DYNC2LI1: variants seen among roughly 807,000 people sequenced by gnomAD.
The protein encoded by DYNC2LI1 is dynein cytoplasmic 2 light intermediate chain 1, also known as cytoplasmic dynein 2 light intermediate chain 1.
In DYNC2LI1, 45 loss-of-function variants were observed where a neutral mutation model predicts 51.9. The observed-to-expected ratio is 0.87, with a 90% CI of 0.68 to 1.11. The LOEUF (loss-of-function observed/expected upper bound fraction) is 1.11. Among genes scored for constraint, DYNC2LI1 ranks in the 50% most tolerant of loss-of-function variants. DYNC2LI1 has a pLI of 0.00. For missense variants in DYNC2LI1, 490 were observed against 417.4 expected (o/e 1.17, Z -1.51); for synonymous variants, 130 against 137.8 (o/e 0.94, Z 0.40).
In DYNC2LI1 at chr2:43,789,705, A is replaced by G. The variant is rs779612644; in HGVS notation, c.304A>G (p.Thr102Ala). 1.9e-6 allele frequency: 3 copies of G among 1,613,914 alleles called. No individual in the cohort carries two copies. The Admixed American group carries it at 5.0e-5, about 27-fold the overall frequency. ...SLLDLISIPITGDTLRTFSLV... is the reference protein window; with the variant it reads ...SLLDLISIPIAGDTLRTFSLV... ...ATTGGACTTAATCAGCATACCCATC[A>G]CAGGTGACACCTTACGGTAAGTGAG... is the stretch of plus-strand genomic sequence containing the variant. Residue 102 changes from threonine to alanine, a missense_variant, in exon 5 of 13, where the codon ACA becomes GCA. Thr to Ala is a moderately conservative substitution (Grantham distance 58). Coordinates refer to ENST00000260605, the MANE Select transcript of DYNC2LI1 (RefSeq NM_016008.4).
chr2:43,816,709 A>C, the DYNC2LI1 span, among the ~76,000 whole-genome samples: 1 of 152,158 alleles, frequency 6.6e-6, no homozygotes, highest in African/African-American at 2.4e-5. Flanking sequence ...ACACCCACCT[A>C]ATTCATATTA....
the DYNC2LI1 span, chr2:43,819,818 C>G: frequency 4.5e-6 from 6 of 1,320,598 alleles, no homozygotes; most frequent in African/African-American, 8.8e-5. Context: ...TCCATAACCA[C>G]TATCAGTTCT....
At chr2:43,802,374 G>GTT (rs755071472) in intron 10 of DYNC2LI1, among the ~76,000 whole-genome samples, 19 of 135,510 alleles carry the variant, frequency 1.4e-4, no homozygotes, top group East Asian at 8.4e-4. Context: ...GGGCAGTAGG[G>GTT]TTTTTTTTTT....
chr2:43,812,616 C>T (rs1475335908), downstream of DYNC2LI1: 2 of 176,516 alleles, frequency 1.1e-5, no homozygotes, highest in African/African-American at 2.4e-5. Flanking sequence ...TGGACATCTG[C>T]ATTTAACTCT....
At chr2:43,824,614 C>T in the DYNC2LI1 span, 26 of 985,422 alleles carry the variant, frequency 2.6e-5, no homozygotes, top group Non-Finnish European at 3.1e-5. Flanking sequence ...TTGAGGATCC[C>T]ATTGGGATTG....
At chr2:43,799,252 T>C (rs1002154966) in intron 8 of DYNC2LI1, among the ~76,000 whole-genome samples, 42 of 152,088 alleles carry the variant, frequency 2.8e-4, no homozygotes, top group Non-Finnish European at 8.8e-5. Flanking sequence ...CAGTGAGTTA[T>C]GATCACACTG....
At chr2:43,824,781 A>C in the DYNC2LI1 span, 4 of 1,547,174 alleles carry the variant, frequency 2.6e-6, no homozygotes, top group Non-Finnish European at 3.5e-6. Context: ...TAAAACACAA[A>C]AACAAAAGCA....
chr2:43,780,621 G>A (rs1454216821), intron 2 of DYNC2LI1, among the ~76,000 whole-genome samples: 1 of 152,136 alleles, frequency 6.6e-6, no homozygotes, highest in East Asian at 1.9e-4. Flanking sequence ...GCCAACATGT[G>A]GAGAGAATAT....
intron 1 of DYNC2LI1, 31 bp from the exon 2 acceptor site, chr2:43,776,751 C>T (rs1177034414): frequency 2.0e-6 from 2 of 991,698 alleles, no homozygotes; most frequent in South Asian, 1.6e-5. Context: ...TTCTTTTTCC[C>T]TCAATTTTGT....
At chr2:43,789,839 T>C in intron 5 of DYNC2LI1, 118 bp downstream of exon 5, 1 of 750,312 alleles carries the variant, frequency 1.3e-6, no homozygotes, top group Non-Finnish European at 2.1e-6. Context: ...TGAAGGCTTA[T>C]GCCCACTTCC....
chr2:43,782,277 A>T (rs79027317), intron 2 of DYNC2LI1, among the ~76,000 whole-genome samples: 16,399 of 152,118 alleles, frequency 0.11, 1,186 homozygotes, highest in Middle Eastern at 0.2. Flanking sequence ...ACATTTTTAT[A>T]TTGTACAATT....
chr2:43,781,467 C>T (rs188548917), intron 2 of DYNC2LI1, among the ~76,000 whole-genome samples: 355 of 151,984 alleles, frequency 2.3e-3, no homozygotes, highest in African/African-American at 8.1e-3. Context: ...TTTAAAATTC[C>T]TTCCAATTCT....
chr2:43,815,341 C>A, the DYNC2LI1 span, among the ~76,000 whole-genome samples: 1 of 152,136 alleles, frequency 6.6e-6, no homozygotes, highest in African/African-American at 2.4e-5. Flanking sequence ...AGCTTGAGAA[C>A]TTCAAAAGAT....
At chr2:43,824,701 C>G in the DYNC2LI1 span, 1 of 943,018 alleles carries the variant, frequency 1.1e-6, no homozygotes, top group Non-Finnish European at 1.3e-6. Flanking sequence ...TGAGAGAGAT[C>G]CCTGACCTCA....
rs9309107 is a variant in DYNC2LI1, at chr2:43,794,687, T to A, written c.507+44T>A. ...TTATTACTGGAATCCTTAGTCCCAT[T>A]TATAGTTAATGATAACATCACAAAC... is the stretch of plus-strand genomic sequence containing the variant. On this transcript the variant is annotated intron_variant, in intron 6 of 12. Transcript: ENST00000260605. The A allele has an allele frequency of 0.35, 569,652 of 1,612,974 alleles. 107,454 individuals are homozygous for A. Among genetic ancestry groups the A allele is most frequent in the African/African-American group, 0.67 (50,248 of 74,924 alleles).
chr2:43,818,217 C>T, the DYNC2LI1 span, among the ~76,000 whole-genome samples: 3 of 152,096 alleles, frequency 2.0e-5, no homozygotes, highest in East Asian at 1.9e-4. Flanking sequence ...TTTGGGAGGC[C>T]GAGGTGGGCG....
At chr2:43,810,623 T>G, downstream of DYNC2LI1, 2 of 617,680 alleles carry the variant, frequency 3.2e-6, no homozygotes, top group Non-Finnish European at 4.0e-6. Context: ...GCACATTTAC[T>G]ACCCCAAGGG....
downstream of DYNC2LI1, chr2:43,813,078 C>A: frequency 1.2e-6 from 1 of 836,676 alleles, no homozygotes; most frequent in South Asian, 1.3e-5. Context: ...CATGCACAGT[C>A]GGCAGCTTCA....
Position 43,794,648 on chromosome 2 carries a change from G to A in DYNC2LI1, c.507+5G>A, listed in dbSNP as rs764641476. The A allele has an allele frequency of 9.6e-5, 155 of 1,613,952 alleles. No individual in the cohort carries two copies. Among genetic ancestry groups the A allele is most frequent in the Non-Finnish European group, 4.1e-5 (48 of 1,179,984 alleles). On this transcript the variant is annotated splice_donor_5th_base_variant and intron_variant, in intron 6 of 12. Coordinates refer to ENST00000260605, the MANE Select transcript of DYNC2LI1 (RefSeq NM_016008.4). ...AATATGCCGAAGGATCATCCTGTGA[G>A]TTGCTGTTTGGGATTATTACTGGAA...
Sources: gnomAD v4.1 joint callset for allele counts (sites outside exome capture counted in the v4.1 genomes callset) on GRCh38, gnomAD v4.1.1 for gene constraint, MANE v1.5 for transcripts, NCBI Gene and HGNC (gene_info 2026-07-23, HGNC 2026-07-21) for gene names.